The following ADAM18 variants were observed in gnomAD, a reference collection of about 807,000 sequenced individuals.
ADAM18 encodes ADAM metallopeptidase domain 18.
In ADAM18, 117 loss-of-function variants were observed where a neutral mutation model predicts 94.4. That is an observed-to-expected ratio of 1.24 (90% confidence interval 1.07 to 1.45). The LOEUF is 1.45. Ranked by LOEUF, ADAM18 falls within the 40% of genes most tolerant of loss-of-function variation. The pLI, the probability that ADAM18 is intolerant of heterozygous loss-of-function variation, is 0.00. For synonymous variants in ADAM18, 327 were observed against 291.6 expected, an observed-to-expected ratio of 1.12 and a Z score of -1.24; for missense variants, 936 against 880.0, an observed-to-expected ratio of 1.06 and a Z score of -0.81.
chr8:39,649,848 T>C (rs1410415041), intron 12 of ADAM18, among the ~76,000 whole-genome samples: 2 of 152,148 alleles, frequency 1.3e-5, no homozygotes, highest in African/African-American at 4.8e-5. Context: ...CGGAGGCATT[T>C]TCTATATCAT....
chr8:39,706,473 A>T (rs922426757), intron 17 of ADAM18, among the ~76,000 whole-genome samples: 4 of 152,156 alleles, frequency 2.6e-5, no homozygotes, highest in Admixed American at 2.0e-4. Flanking sequence ...ACAGTCATTT[A>T]AAAAATTTAA....
chr8:39,639,280 A>G (rs1235531806), intron 10 of ADAM18, among the ~76,000 whole-genome samples: 1 of 151,986 alleles, frequency 6.6e-6, no homozygotes, highest in Non-Finnish European at 1.5e-5. Context: ...CCTATTACCC[A>G]TACCAAAGGA....
intron 16 of ADAM18, among the ~76,000 whole-genome samples, chr8:39,689,353 C>T (rs1821703438): frequency 6.6e-6 from 1 of 152,110 alleles, no homozygotes; most frequent in African/African-American, 2.4e-5. Context: ...TTTAATCTGT[C>T]TTAAGTTAAT....
chr8:39,647,300 T>C (rs1017539515), intron 11 of ADAM18, among the ~76,000 whole-genome samples: 6 of 151,378 alleles, frequency 4.0e-5, no homozygotes, highest in East Asian at 1.9e-4. Flanking sequence ...AGAGGTACTA[T>C]GCCTGGATGT....
intron 18 of ADAM18, among the ~76,000 whole-genome samples, chr8:39,709,443 T>C (rs1387375467): frequency 6.6e-6 from 1 of 152,166 alleles, no homozygotes; most frequent in Non-Finnish European, 1.5e-5. Flanking sequence ...AAAGGCAACA[T>C]TCAAGTGAGA....
intron 12 of ADAM18, among the ~76,000 whole-genome samples, chr8:39,653,926 T>C (rs1454089077): frequency 6.6e-6 from 1 of 152,120 alleles, no homozygotes; most frequent in Non-Finnish European, 1.5e-5. Flanking sequence ...ACTTATGTTT[T>C]CTATTTAATT....
chr8:39,590,028 A>G (rs1262190510), intron 2 of ADAM18, among the ~76,000 whole-genome samples: 17 of 149,536 alleles, frequency 1.1e-4, no homozygotes, highest in East Asian at 7.8e-4. Context: ...TCAGTGTGGC[A>G]ATTCCTCAGG....
At chr8:39,670,539 T>G (rs1416194345) in intron 14 of ADAM18, among the ~76,000 whole-genome samples, 1 of 152,196 alleles carries the variant, frequency 6.6e-6, no homozygotes, top group Non-Finnish European at 1.5e-5. Flanking sequence ...AATGTTGAAA[T>G]ATAAGTAGAT....
intron 16 of ADAM18, among the ~76,000 whole-genome samples, chr8:39,685,785 G>A (rs1563306203): frequency 5.3e-5 from 8 of 152,152 alleles, no homozygotes; most frequent in Admixed American, 2.6e-4. Flanking sequence ...AAAGCATGCT[G>A]CACCCTCCAC....
Position 39,677,481 on chromosome 8 carries a change from G to C in ADAM18, c.1576G>C (p.Glu526Gln). Residue 526 changes from glutamate to glutamine, a missense_variant, in exon 15 of 20, where the codon GAA becomes CAA. Coordinates refer to ENST00000265707, the MANE Select transcript of ADAM18 (RefSeq NM_014237.3). ...TTTTAAAGAAGTTAATTCTCTGCAT[G>C]AAAGATCTGAAAACTGTGGTTTTAA... The part of the protein sequence containing the change: ...ACFKEVNSLH[E>Q]RSENCGFKNS... 6.2e-7 allele frequency: 1 copy of C among 1,611,038 alleles called. No individual in the cohort carries two copies. Among genetic ancestry groups the C allele is most frequent in the East Asian group, 2.2e-5 (1 of 44,674 alleles).
chr8:39,717,518 T>C (rs1286054394), intron 18 of ADAM18, among the ~76,000 whole-genome samples: 3 of 151,800 alleles, frequency 2.0e-5, no homozygotes, highest in African/African-American at 7.2e-5. Context: ...GTAAATCTAT[T>C]GGTGATGGAT....
intron 2 of ADAM18, among the ~76,000 whole-genome samples, chr8:39,599,154 A>G (rs1239341474): frequency 6.6e-6 from 1 of 152,104 alleles, no homozygotes; most frequent in Non-Finnish European, 1.5e-5. Flanking sequence ...AAATGATCTC[A>G]TGTGATTCTT....
intron 5 of ADAM18, 100 bp from the exon 6 acceptor site, chr8:39,610,429 G>GT (rs1369607281): frequency 3.7e-5 from 50 of 1,354,050 alleles, no homozygotes; most frequent in Non-Finnish European, 4.9e-5. Context: ...GTGTTCTTTA[G>GT]TATAGTTTTT....
intron 6 of ADAM18, among the ~76,000 whole-genome samples, chr8:39,627,158 C>T (rs1423010094): frequency 6.6e-6 from 1 of 152,014 alleles, no homozygotes. Context: ...TCTCACACTG[C>T]TGATAAAGAC....
intron 6 of ADAM18, among the ~76,000 whole-genome samples, chr8:39,617,136 T>C (rs1312844403): frequency 6.6e-6 from 1 of 151,596 alleles, no homozygotes; most frequent in African/African-American, 2.4e-5. Flanking sequence ...ATGTCTAATA[T>C]CTAAAATTTA....
chr8:39,648,278 G>A (rs991676303), intron 11 of ADAM18, 66 bp from the exon 12 acceptor site: 3 of 1,294,668 alleles, frequency 2.3e-6, no homozygotes, highest in Non-Finnish European at 3.1e-6. Flanking sequence ...ATTATGTATG[G>A]AGTGTTGTTT....
chr8:39,635,617 GTC>G (rs1820055347), intron 7 of ADAM18, among the ~76,000 whole-genome samples: 2 of 152,178 alleles, frequency 1.3e-5, no homozygotes, highest in African/African-American at 4.8e-5. Context: ...TCCCACAAGT[GTC>G]TTTTTCCTAA....
chr8:39,601,475 T>C (rs1818902277), intron 2 of ADAM18, among the ~76,000 whole-genome samples: 1 of 152,272 alleles, frequency 6.6e-6, no homozygotes, highest in Non-Finnish European at 1.5e-5. Context: ...ATGTTTCTGC[T>C]TATTCCTAAT....
At chr8:39,729,327 T>A (rs1338772741) in intron 19 of ADAM18, among the ~76,000 whole-genome samples, 1 of 152,202 alleles carries the variant, frequency 6.6e-6, no homozygotes, top group African/African-American at 2.4e-5. Flanking sequence ...ATGGTTAGAA[T>A]GTGTATTTTA....
Sources: gnomAD v4.1 joint callset for allele counts (sites outside exome capture counted in the v4.1 genomes callset) on GRCh38, gnomAD v4.1.1 for gene constraint, MANE v1.5 for transcripts, NCBI Gene and HGNC (gene_info 2026-07-23, HGNC 2026-07-21) for gene names.